ACSL3: variants seen among roughly 807,000 people sequenced by gnomAD.
ACSL3 encodes the protein acyl-CoA synthetase long chain family member 3.
In ACSL3, 34 loss-of-function variants were observed where a neutral mutation model predicts 84.7. The ratio of observed to expected loss-of-function variants is 0.40; its 90% CI spans 0.31 to 0.53. ACSL3 has a LOEUF of 0.53. ACSL3 is among the 20% of genes least tolerant of loss of function. The probability of loss-of-function intolerance (pLI) is 0.48; values close to 1 mark genes in which losing one functional copy is unlikely to be tolerated. For missense variants in ACSL3, 680 were observed against 873.1 expected, an observed-to-expected ratio of 0.78 and a Z score of 2.79; for synonymous variants, 315 against 299.4, an observed-to-expected ratio of 1.05 and a Z score of -0.54.
chr2:222,867,344 C>T (rs1169370612), intron 1 of ACSL3, among the ~76,000 whole-genome samples: 1 of 152,198 alleles, frequency 6.6e-6, no homozygotes, highest in Non-Finnish European at 1.5e-5. Flanking sequence ...ATTTAATCCA[C>T]TTAAAGAAAC....
intron 1 of ACSL3, among the ~76,000 whole-genome samples, chr2:222,864,444 T>C (rs114608673): frequency 0.023 from 3,463 of 152,170 alleles, 57 homozygotes; most frequent in Non-Finnish European, 0.025. Context: ...GTTGAGCTTG[T>C]CAAGGAGACA....
At chr2:222,913,678 T>G (rs1303510531) in intron 4 of ACSL3, among the ~76,000 whole-genome samples, 2 of 152,214 alleles carry the variant, frequency 1.3e-5, no homozygotes, top group Non-Finnish European at 2.9e-5. Flanking sequence ...ACTCACCTGC[T>G]TAATAAGACC....
chr2:222,868,152 T>A (rs1419117308), intron 1 of ACSL3, among the ~76,000 whole-genome samples: 1 of 152,222 alleles, frequency 6.6e-6, no homozygotes, highest in Non-Finnish European at 1.5e-5. Flanking sequence ...TAGCTAATTC[T>A]GTATTTTAGT....
In ACSL3 at chr2:222,919,154, G is replaced by T. The variant is rs765152453; in HGVS notation, c.757G>T (p.Val253Leu). 6.2e-7 allele frequency: 1 copy of T among 1,614,008 alleles called. No individual in the cohort carries two copies. The highest frequency in any genetic ancestry group is 2.2e-5 in the East Asian group (1 of 44,876). ...GTCCGAGTTCCCCAAGGGCATCATTGTGCATACCATGGCTGCAGTGGAGGC... is the reference window on the plus strand; with the variant it reads ...GTCCGAGTTCCCCAAGGGCATCATTTTGCATACCATGGCTGCAGTGGAGGC... ...TWSEFPKGII[V>L]HTMAAVEALG... Residue 253 changes from valine to leucine, a missense_variant, in exon 7 of 17, where the codon GTG (valine) becomes TTG (leucine). Physicochemically the swap from Val to Leu is conservative, Grantham distance 32. Transcript: ENST00000357430.
At chr2:222,900,951 C>T (rs887123369) in intron 3 of ACSL3, among the ~76,000 whole-genome samples, 171 bp downstream of exon 3, 2 of 152,186 alleles carry the variant, frequency 1.3e-5, no homozygotes, top group African/African-American at 4.8e-5. Context: ...TCCTCCCAGC[C>T]CTGCTCTTCT....
chr2:222,875,409 G>A (rs1427367080), intron 1 of ACSL3, among the ~76,000 whole-genome samples: 1 of 152,160 alleles, frequency 6.6e-6, no homozygotes, highest in Non-Finnish European at 1.5e-5. Context: ...GGATAATAAT[G>A]AGTTGATCTG....
intron 2 of ACSL3, among the ~76,000 whole-genome samples, chr2:222,890,216 C>T (rs1266596061): frequency 2.0e-5 from 3 of 151,824 alleles, no homozygotes; most frequent in Non-Finnish European, 2.9e-5. Flanking sequence ...TTTAGCTGGT[C>T]CATGCAGACT....
At chr2:222,886,664 A>G (rs1346517958) in intron 1 of ACSL3, among the ~76,000 whole-genome samples, 1 of 152,220 alleles carries the variant, frequency 6.6e-6, no homozygotes, top group East Asian at 1.9e-4. Flanking sequence ...TATACATCTT[A>G]ATACTTATTC....
intron 3 of ACSL3, among the ~76,000 whole-genome samples, chr2:222,901,234 T>G (rs2106111350): frequency 6.6e-6 from 1 of 152,360 alleles, no homozygotes; most frequent in East Asian, 1.9e-4. Context: ...TCAATTTGAG[T>G]TAACTTTTTG....
intron 4 of ACSL3, among the ~76,000 whole-genome samples, chr2:222,914,891 G>T (rs1696534909): frequency 6.6e-6 from 1 of 152,120 alleles, no homozygotes. Context: ...AAAATCATGA[G>T]ATTCAGATTT....
At chr2:222,941,422 A>C in intron 16 of ACSL3, 75 bp from the exon 17 acceptor site, 19 of 1,312,760 alleles carry the variant, frequency 1.4e-5, no homozygotes, top group Non-Finnish European at 2.0e-5. Flanking sequence ...TGGATACGCA[A>C]AAAGTGGGGA....
At chr2:222,871,988 A>G (rs1434065087) in intron 1 of ACSL3, among the ~76,000 whole-genome samples, 1 of 151,948 alleles carries the variant, frequency 6.6e-6, no homozygotes, top group Non-Finnish European at 1.5e-5. Context: ...TTTGGTGAAC[A>G]TAATAGTCAC....
intron 1 of ACSL3, among the ~76,000 whole-genome samples, chr2:222,867,843 C>T (rs62187225): frequency 0.088 from 13,435 of 151,990 alleles, 712 homozygotes; most frequent in Non-Finnish European, 0.12. Context: ...ATTTTTGTCT[C>T]GGCCTTCCTC....
rs903208846 is a variant in ACSL3, at chr2:222,880,470, C to T, written c.-206-7360C>T. 2.6e-5 allele frequency among the ~76,000 whole-genome samples: 4 copies of T among 151,890 alleles called. No individual in the cohort carries two copies. The South Asian group carries it at 8.3e-4, about 31-fold the overall frequency. On this transcript the variant is annotated intron_variant, in intron 1 of 16. Coordinates refer to ENST00000357430, the MANE Select transcript of ACSL3 (RefSeq NM_004457.5). ...TATTACATGAAGTATTTTAAACTTG[C>T]GTTTGCTATTGTGACTATATTTCCG...
At chr2:222,877,914 A>G (rs980632675) in intron 1 of ACSL3, among the ~76,000 whole-genome samples, 3 of 152,340 alleles carry the variant, frequency 2.0e-5, no homozygotes, top group African/African-American at 7.2e-5. Flanking sequence ...ATTAATTTCA[A>G]ATAGCTTTAT....
At chr2:222,869,797 C>T (rs1235697055) in intron 1 of ACSL3, among the ~76,000 whole-genome samples, 1 of 152,084 alleles carries the variant, frequency 6.6e-6, no homozygotes, top group East Asian at 1.9e-4. Flanking sequence ...CTTGGGAGGA[C>T]TCAGGAAGCT....
At chr2:222,888,417 G>A (rs937336339) in intron 2 of ACSL3, among the ~76,000 whole-genome samples, 5 of 152,142 alleles carry the variant, frequency 3.3e-5, no homozygotes, top group African/African-American at 1.2e-4. Flanking sequence ...TAAGGACGAA[G>A]GTTTTTAGCG....
rs1697014019 is a variant in ACSL3 at position 222,930,923 on chromosome 2, G to C, written c.1732+111G>C. 4.1e-6 allele frequency: 4 copies of C among 986,960 alleles called. No individual in the cohort carries two copies. In the East Asian group the frequency reaches 7.8e-5, roughly 19 times the overall value. The allele number at this position is 986,960 out of a possible 1,614,324, so 61.1% of individuals were successfully genotyped here. ...TAATATAAATCTTTATGTAATCTTA[G>C]TTTGGGTTGTTGCATCACTCCTGGA... On this transcript the variant is annotated intron_variant, in intron 14 of 16. Coordinates refer to ENST00000357430, the MANE Select transcript of ACSL3 (RefSeq NM_004457.5).
intron 2 of ACSL3, among the ~76,000 whole-genome samples, chr2:222,898,150 CTG>C (rs1696035157): frequency 6.6e-6 from 1 of 152,184 alleles, no homozygotes; most frequent in East Asian, 1.9e-4. Context: ...TGTTCATACT[CTG>C]TGCCCATTTT....
Sources: allele counts gnomAD v4.1 joint callset (sites outside exome capture counted in the v4.1 genomes callset), GRCh38; gene constraint gnomAD v4.1.1; transcripts MANE v1.5; gene names NCBI Gene and HGNC (gene_info 2026-07-23, HGNC 2026-07-21).